Variants in C12orf42 observed in about 807,000 individuals in gnomAD.
C12orf42 encodes the protein chromosome 12 open reading frame 42.
In C12orf42, 25 loss-of-function variants were observed where a neutral mutation model predicts 21.6. That is an observed-to-expected ratio of 1.16 (90% CI 0.84 to 1.62). The LOEUF (loss-of-function observed/expected upper bound fraction) is 1.62, where lower values mean the gene tolerates loss of function less well. Among genes scored for constraint, C12orf42 ranks in the 40% most tolerant of loss-of-function variants. The pLI is 0.00. For synonymous variants in C12orf42, 174 were observed against 175.0 expected, an observed-to-expected ratio of 0.99 and a Z score of 0.05; for missense variants, 483 against 459.3, an observed-to-expected ratio of 1.05 and a Z score of -0.47.
intron 4 of C12orf42, among the ~76,000 whole-genome samples, chr12:103,287,453 G>A (rs1020743788): frequency 2.7e-4 from 35 of 129,294 alleles, no homozygotes; most frequent in African/African-American, 1.1e-3. Flanking sequence ...CTATCACAAG[G>A]ACAAAAAAAC....
the C12orf42 span, among the ~76,000 whole-genome samples, chr12:103,085,485 T>A: frequency 6.6e-6 from 1 of 152,036 alleles, no homozygotes; most frequent in Admixed American, 6.6e-5. Context: ...GATTTCAGAA[T>A]GCACAATTCT....
rs548140863 is a variant in C12orf42 at position 103,365,787 on chromosome 12, A to G, written c.259+3100T>C. Among the ~76,000 whole-genome samples the G allele has an allele frequency of 2.6e-5, 4 of 152,156 alleles. No homozygotes were observed. In the East Asian group the frequency reaches 7.7e-4, roughly 29 times the overall value. On this transcript the variant is annotated intron_variant, in intron 4 of 5. Coordinates refer to ENST00000548883, the MANE Select transcript of C12orf42 (RefSeq NM_198521.5). ...CTAACCAAGGAGGTGAAAGACCTCT[A>G]CAAGGAAAACTACAAAATACTGCTG...
chr12:103,378,801 T>A (rs1343985), intron 3 of C12orf42: 3 of 151,778 alleles, frequency 2.0e-5, no homozygotes, highest in Admixed American at 2.0e-4. Context: ...ATCTGGAAAA[T>A]GAGATTTAAG....
chr12:103,274,439 A>T (rs545603711), intron 5 of C12orf42, among the ~76,000 whole-genome samples: 1 of 152,272 alleles, frequency 6.6e-6, no homozygotes, highest in Admixed American at 6.5e-5. Context: ...GGAGCTCTTA[A>T]TAATTTTTTT....
intron 2 of C12orf42, among the ~76,000 whole-genome samples, chr12:103,433,403 T>C (rs1201608284): frequency 2.0e-5 from 3 of 152,346 alleles, no homozygotes; most frequent in Non-Finnish European, 2.9e-5. Flanking sequence ...TCTGAACTCA[T>C]TGTTCAACCT....
At chr12:103,153,410 G>T in the C12orf42 span, among the ~76,000 whole-genome samples, 9 of 152,138 alleles carry the variant, frequency 5.9e-5, no homozygotes, top group African/African-American at 1.9e-4. Context: ...AGTGGGAGAA[G>T]ATATTTTAAT....
the C12orf42 span, among the ~76,000 whole-genome samples, chr12:103,561,113 TA>T: frequency 6.6e-6 from 1 of 152,166 alleles, no homozygotes; most frequent in Non-Finnish European, 1.5e-5. Context: ...CAGGGTGAAT[TA>T]TTAGGCACTA....
chr12:103,406,975 C>T (rs1277938034), intron 2 of C12orf42, among the ~76,000 whole-genome samples: 1 of 152,170 alleles, frequency 6.6e-6, no homozygotes, highest in Non-Finnish European at 1.5e-5. Flanking sequence ...TAGTTGTGCC[C>T]CGTAATAACT....
At chr12:103,149,998 C>A in the C12orf42 span, among the ~76,000 whole-genome samples, 2 of 152,084 alleles carry the variant, frequency 1.3e-5, no homozygotes, top group African/African-American at 4.8e-5. Context: ...CATCCTTCCC[C>A]TATATGATAG....
Position 103,483,314 on chromosome 12 carries a change from C to T in C12orf42, c.-21-4867G>A, listed in dbSNP as rs78216770. Among the ~76,000 whole-genome samples, 225 of 152,056 alleles carry T rather than the reference C, an allele frequency of 1.5e-3. 2 individuals are homozygous for T. The highest frequency in any genetic ancestry group is 5.3e-3 in the African/African-American group (220 of 41,448). ...ACACTGTACATGTGTAGGGGCATAG[C>T]GTATAAGGGGTATGTGTCTACTCTA... On this transcript the variant is annotated intron_variant, in intron 1 of 5. Transcript: ENST00000548883.
chr12:103,255,954 G>A (rs2034545241), intron 10 of C12orf42, among the ~76,000 whole-genome samples: 1 of 147,604 alleles, frequency 6.8e-6, no homozygotes, highest in Non-Finnish European at 1.5e-5. Context: ...TCGGGAGGCT[G>A]AGGCAGGAGA....
At chr12:103,055,676 T>C in the C12orf42 span, among the ~76,000 whole-genome samples, 4 of 152,176 alleles carry the variant, frequency 2.6e-5, no homozygotes, top group South Asian at 2.1e-4. Context: ...TTCTAATGTA[T>C]GAATTCAGTA....
the C12orf42 span, among the ~76,000 whole-genome samples, chr12:103,070,320 G>T: frequency 6.6e-6 from 1 of 151,924 alleles, no homozygotes; most frequent in Non-Finnish European, 1.5e-5. Flanking sequence ...CTCTATTTGG[G>T]TTCTCTTTTT....
the C12orf42 span, among the ~76,000 whole-genome samples, chr12:103,514,443 A>C: frequency 6.6e-6 from 1 of 152,164 alleles, no homozygotes; most frequent in Non-Finnish European, 1.5e-5. Flanking sequence ...GAGCTAATGC[A>C]AAAGCTCCAG....
At chr12:103,124,313 G>C in the C12orf42 span, among the ~76,000 whole-genome samples, 14,645 of 151,894 alleles carry the variant, frequency 0.096, 1,227 homozygotes, top group East Asian at 0.47. Context: ...CCACAGAAAA[G>C]TGTGTACCAT....
chr12:103,371,657 T>C (rs1388796591), intron 3 of C12orf42, among the ~76,000 whole-genome samples: 1 of 151,948 alleles, frequency 6.6e-6, no homozygotes, highest in Non-Finnish European at 1.5e-5. Flanking sequence ...AGACAAAAAT[T>C]TTTTTCCTGA....
At chr12:103,180,168 T>C in the C12orf42 span, among the ~76,000 whole-genome samples, 5 of 151,294 alleles carry the variant, frequency 3.3e-5, no homozygotes, top group East Asian at 9.7e-4. Context: ...TTACTTTTGG[T>C]GGGAGGAGTC....
chr12:103,467,436 G>A lies in C12orf42; in HGVS notation c.78+10913C>T, dbSNP rs565809899. ...ATAAATTTTTCACACAGTGCACTTT[G>A]GAACTGTTCCCATCTCCAGATACAA... On this transcript the variant is annotated intron_variant, in intron 2 of 5. Transcript: ENST00000548883. Among the ~76,000 whole-genome samples the A allele has an allele frequency of 2.0e-4, 31 of 152,210 alleles. No individual in the cohort carries two copies. The East Asian group carries it at 6.0e-3, about 29-fold the overall frequency.
chr12:103,433,394 C>G (rs1950411128), intron 2 of C12orf42, among the ~76,000 whole-genome samples: 1 of 152,206 alleles, frequency 6.6e-6, no homozygotes, highest in African/African-American at 2.4e-5. Context: ...GTGACACCAT[C>G]TGAACTCATT....
Sources: gnomAD v4.1 joint callset for allele counts (sites outside exome capture counted in the v4.1 genomes callset) on GRCh38, gnomAD v4.1.1 for gene constraint, MANE v1.5 for transcripts, NCBI Gene and HGNC (gene_info 2026-07-23, HGNC 2026-07-21) for gene names.